TET2: variants seen among roughly 807,000 people sequenced by gnomAD.
TET2 encodes the protein tet methylcytosine dioxygenase 2.
Under a neutral mutation model 142.9 loss-of-function variants are expected in TET2, and 299 were observed. The ratio of observed to expected loss-of-function variants is 2.09; its 90% CI spans 1.90 to 2.30. TET2 has a LOEUF of 2.30. TET2 is among the 30% of genes most tolerant of loss of function. TET2 has a pLI of 0.00. For synonymous variants in TET2, 819 were observed against 849.0 expected (o/e 0.96, Z 0.61); for missense variants, 2,418 against 2,378.0 (o/e 1.02, Z -0.35).
chr4:105,248,324 A>G (rs911327142), intron 6 of TET2, among the ~76,000 whole-genome samples: 3 of 152,200 alleles, frequency 2.0e-5, no homozygotes, highest in African/African-American at 4.8e-5. Context: ...TTAGTTATAT[A>G]AAGTTAAATT....
rs1244898258 is a variant in TET2 at position 105,243,880 on chromosome 4, A to G, written c.3803+102A>G. 1.1e-5 allele frequency: 12 copies of G among 1,050,486 alleles called. No individual in the cohort carries two copies. The East Asian group carries it at 3.1e-4, about 27-fold the overall frequency. The allele number at this position is 1,050,486 out of a possible 1,614,324, so 65.1% of individuals were successfully genotyped here. On this transcript the variant is annotated intron_variant, in intron 6 of 10. Transcript: ENST00000380013. Reference sequence around the variant, plus strand: ...GTTCAGCGTGCACTTTTACATTTATAAAATGGGCATCAAAATGCCTGTTTG... The same window carrying G: ...GTTCAGCGTGCACTTTTACATTTATGAAATGGGCATCAAAATGCCTGTTTG...
chr4:105,269,849 A>G (rs1253816270), intron 9 of TET2, 102 bp downstream of exon 9: 1 of 1,363,666 alleles, frequency 7.3e-7, no homozygotes, highest in East Asian at 2.5e-5. Context: ...AAGAGATTTA[A>G]TTGACTCACA....
intron 1 of TET2, among the ~76,000 whole-genome samples, chr4:105,171,989 C>G (rs1724494540): frequency 6.6e-6 from 1 of 152,082 alleles, no homozygotes. Context: ...TAGATTATAT[C>G]CTTGGTTTTT....
At chr4:105,161,801 G>A (rs535897162) in intron 1 of TET2, among the ~76,000 whole-genome samples, 5 of 152,170 alleles carry the variant, frequency 3.3e-5, no homozygotes, top group Non-Finnish European at 7.4e-5. Flanking sequence ...TCATAAAGAT[G>A]AGACTGAGTG....
chr4:105,242,182 T>C, intron 4 of TET2: 2 of 1,115,978 alleles, frequency 1.8e-6, no homozygotes, highest in Middle Eastern at 7.7e-4. Context: ...CATTTCCAAA[T>C]TATTCATTTC....
chr4:105,234,160 G>T lies in TET2; in HGVS notation c.218G>T (p.Arg73Leu), dbSNP rs760280015. 2 of 1,614,146 alleles carry T rather than the reference G, an allele frequency of 1.2e-6. No homozygotes were observed. Among genetic ancestry groups the T allele is most frequent in the Non-Finnish European group, 1.7e-6 (2 of 1,179,988 alleles). ...TGTATGAAGGGAAGCCAGAATAGTC[G>T]TGTGAGTCCTGACTTTACACAAGAA... Reference protein sequence around the residue: ...IPCMKGSQNSRVSPDFTQESR... With the variant: ...IPCMKGSQNSLVSPDFTQESR... The change falls in exon 3 of 11, where the codon CGT (arginine) becomes CTT (leucine). Residue 73 changes from arginine to leucine, a missense_variant. Physicochemically the swap from Arg to Leu is moderately radical, Grantham distance 102. Transcript: ENST00000380013.
At chr4:105,239,517 C>T (rs1729175044) in intron 3 of TET2, 1 of 238,510 alleles carries the variant, frequency 4.2e-6, no homozygotes, top group Non-Finnish European at 8.9e-6. Flanking sequence ...TATAAACCAA[C>T]TTCTGCTAGC....
At chr4:105,247,530 A>C (rs189306161) in intron 6 of TET2, among the ~76,000 whole-genome samples, 5 of 152,122 alleles carry the variant, frequency 3.3e-5, no homozygotes, top group African/African-American at 4.8e-5. Context: ...TTTTATTTAT[A>C]ATAGCCCTTC....
At chr4:105,164,034 T>G (rs1292412629) in intron 1 of TET2, among the ~76,000 whole-genome samples, 3 of 152,216 alleles carry the variant, frequency 2.0e-5, no homozygotes, top group African/African-American at 7.2e-5. Context: ...TCAGTCATTT[T>G]TTGTGTTTAC....
At chr4:105,166,105 A>G (rs1724136087) in intron 1 of TET2, among the ~76,000 whole-genome samples, 1 of 152,192 alleles carries the variant, frequency 6.6e-6, no homozygotes, top group African/African-American at 2.4e-5. Flanking sequence ...ATTGAAAAAG[A>G]AAACACATCA....
At chr4:105,166,592 A>G (rs901385837) in intron 1 of TET2, among the ~76,000 whole-genome samples, 11 of 151,000 alleles carry the variant, frequency 7.3e-5, no homozygotes, top group African/African-American at 2.2e-4. Context: ...TCTTTTTACT[A>G]CTGTTTTTCT....
chr4:105,177,454 A>T (rs1255969029), intron 1 of TET2: 2 of 152,250 alleles, frequency 1.3e-5, no homozygotes, highest in African/African-American at 4.8e-5. Context: ...AACTCAACTT[A>T]AAAAATGAGC....
At chr4:105,222,631 G>C (rs1280199600) in intron 2 of TET2, among the ~76,000 whole-genome samples, 1 of 152,156 alleles carries the variant, frequency 6.6e-6, no homozygotes, top group African/African-American at 2.4e-5. Flanking sequence ...TGTCAGATGA[G>C]TAGGTTGCGA....
rs1167234311 is a variant in TET2 at position 105,235,750 on chromosome 4, A to G, written c.1808A>G (p.Lys603Arg). ...QPNLSNQMTS[K>R]QYTGNSNMPG... ...AATCTCTCCAATCAAATGACCTCCA[A>G]ACAATACACTGGAAATTCCAACATG... is the stretch of plus-strand genomic sequence containing the variant. Residue 603 changes from lysine to arginine, a missense_variant, in exon 3 of 11, where the codon AAA (lysine) becomes AGA (arginine). Transcript: ENST00000380013. 5.0e-6 allele frequency: 8 copies of G among 1,614,056 alleles called. No individual in the cohort carries two copies. The highest frequency in any genetic ancestry group is 2.2e-5 in the East Asian group (1 of 44,886).
Position 105,235,658 on chromosome 4 carries a change from T to G in TET2, c.1716T>G (p.Phe572Leu), listed in dbSNP as rs758973712. 6 of 1,614,140 alleles carry G rather than the reference T, an allele frequency of 3.7e-6. No homozygotes were observed. Among genetic ancestry groups the G allele is most frequent in the Non-Finnish European group, 5.1e-6 (6 of 1,180,006 alleles). ...GGATTGAATTGAAGGCCCCTCGTTT[T>G]CACCAAGCGGAATCCCATCTAAAAC... ...PGWIELKAPR[F>L]HQAESHLKRN... Residue 572 changes from phenylalanine (F) to leucine (L), a missense_variant, in exon 3 of 11, where the codon TTT becomes TTG. Physicochemically the swap from Phe to Leu is conservative, Grantham distance 22. Transcript: ENST00000380013.
At chr4:105,271,108 TTTTG>T (rs1383002751) in intron 9 of TET2, among the ~76,000 whole-genome samples, 2 of 152,172 alleles carry the variant, frequency 1.3e-5, no homozygotes, top group African/African-American at 4.8e-5. Context: ...GGTGGGGTTT[TTTTG>T]TTTATTTTGT....
intron 6 of TET2, among the ~76,000 whole-genome samples, chr4:105,248,433 G>A (rs1252030089): frequency 1.3e-5 from 2 of 152,104 alleles, no homozygotes; most frequent in Admixed American, 1.3e-4. Context: ...TAAATCAAAG[G>A]TTAAGAATTT....
At chr4:105,219,990 A>G (rs183109535) in intron 2 of TET2, among the ~76,000 whole-genome samples, 141 of 152,244 alleles carry the variant, frequency 9.3e-4, no homozygotes, top group African/African-American at 3.2e-3. Flanking sequence ...ATCAGGTCCA[A>G]GAAGACAGGA....
chr4:105,201,609 G>C (rs973093923), intron 2 of TET2, among the ~76,000 whole-genome samples: 1 of 151,746 alleles, frequency 6.6e-6, no homozygotes, highest in East Asian at 1.9e-4. Context: ...TTTAAGGACT[G>C]CTAATTATAG....
Sources: gnomAD v4.1 joint callset for allele counts (sites outside exome capture counted in the v4.1 genomes callset) on GRCh38, gnomAD v4.1.1 for gene constraint, MANE v1.5 for transcripts, NCBI Gene and HGNC (gene_info 2026-07-23, HGNC 2026-07-21) for gene names.